The following POU6F2 variants were observed in gnomAD, a reference collection of about 807,000 sequenced individuals.
The protein encoded by POU6F2 is POU domain, class 6, transcription factor 2.
In POU6F2, 31 loss-of-function variants were observed where a neutral mutation model predicts 71.3. That is an observed-to-expected ratio of 0.43 (90% confidence interval 0.33 to 0.59). The LOEUF (loss-of-function observed/expected upper bound fraction) is 0.59, where lower values mean the gene tolerates loss of function less well. Among genes scored for constraint, POU6F2 ranks in the 20% least tolerant of loss-of-function variants. POU6F2 has a pLI of 0.04. For missense variants in POU6F2, 783 were observed against 856.8 expected, an observed-to-expected ratio of 0.91 and a Z score of 1.07; for synonymous variants, 347 against 355.7, an observed-to-expected ratio of 0.98 and a Z score of 0.27.
At chr7:39,104,909 G>A (rs1038990397) in intron 2 of POU6F2, among the ~76,000 whole-genome samples, 5 of 152,322 alleles carry the variant, frequency 3.3e-5, no homozygotes, top group African/African-American at 1.2e-4. Flanking sequence ...GGGAGATAAT[G>A]TCTGCAACAT....
At chr7:39,418,595 C>G (rs1438232496) in intron 6 of POU6F2, among the ~76,000 whole-genome samples, 1 of 151,454 alleles carries the variant, frequency 6.6e-6, no homozygotes, top group Non-Finnish European at 1.5e-5. Flanking sequence ...GAAGCTGAGG[C>G]AAGAGAATCA....
At chr7:39,398,573 G>T (rs895775569) in intron 5 of POU6F2, among the ~76,000 whole-genome samples, 6 of 150,866 alleles carry the variant, frequency 4.0e-5, no homozygotes, top group African/African-American at 1.5e-4. Flanking sequence ...AAAAGAAAGG[G>T]AATGCTATGT....
At chr7:39,264,033 T>TAGG (rs1287475885) in intron 4 of POU6F2, among the ~76,000 whole-genome samples, 1 of 152,190 alleles carries the variant, frequency 6.6e-6, no homozygotes, top group Admixed American at 6.5e-5. Flanking sequence ...GGACTGGCAT[T>TAGG]AGGAGGTACT....
chr7:39,049,263 T>C (rs926812339), intron 1 of POU6F2, among the ~76,000 whole-genome samples: 5 of 152,028 alleles, frequency 3.3e-5, no homozygotes, highest in African/African-American at 1.2e-4. Flanking sequence ...ATTTTTCTAG[T>C]TAGCTAAAGA....
intron 2 of POU6F2, among the ~76,000 whole-genome samples, chr7:39,200,889 T>C (rs1220612723): frequency 6.6e-5 from 10 of 151,106 alleles, no homozygotes; most frequent in Non-Finnish European, 1.3e-4. Context: ...TAGCTGGGTG[T>C]AGTGGCTCGC....
At chr7:39,175,498 C>T (rs997728345) in intron 2 of POU6F2, among the ~76,000 whole-genome samples, 1 of 152,130 alleles carries the variant, frequency 6.6e-6, no homozygotes, top group Non-Finnish European at 1.5e-5. Flanking sequence ...GTCCCTTAGG[C>T]ACAGCAAGCA....
At chr7:39,337,990 C>T (rs574085407) in intron 4 of POU6F2, among the ~76,000 whole-genome samples, 20 of 152,340 alleles carry the variant, frequency 1.3e-4, no homozygotes, top group African/African-American at 4.3e-4. Context: ...CCCAGACTTT[C>T]CTGTTTCTAA....
At position 38,981,877 on chromosome 7, in the gene POU6F2, A is replaced by C. The variant is rs753543207; in HGVS notation, c.105+3819A>C. The stretch of plus-strand genomic sequence containing the variant: ...ATTTGGCTTAACAGTATCTCCATGT[A>C]TGTTTTCTTATATGGAGATTTTAAA... On this transcript the variant is annotated intron_variant, in intron 1 of 9. Transcript: ENST00000518318. Among the ~76,000 whole-genome samples the C allele has an allele frequency of 4.6e-5, 7 of 152,212 alleles. No individual in the cohort carries two copies. The South Asian group carries it at 8.3e-4, about 18-fold the overall frequency.
intron 2 of POU6F2, among the ~76,000 whole-genome samples, chr7:39,090,098 C>T (rs1791334480): frequency 6.6e-6 from 1 of 151,754 alleles, no homozygotes; most frequent in African/African-American, 2.4e-5. Flanking sequence ...TTGTGCTTTC[C>T]TAGGATAAAA....
chr7:39,446,562 A>G (rs1788528300), intron 7 of POU6F2, among the ~76,000 whole-genome samples: 1 of 152,248 alleles, frequency 6.6e-6, no homozygotes, highest in Non-Finnish European at 1.5e-5. Flanking sequence ...GATCAGTGGC[A>G]CAGAAAACCA....
Position 39,322,105 on chromosome 7 carries a change from G to A in POU6F2, c.599-17537G>A, listed in dbSNP as rs12701730. On this transcript the variant is annotated intron_variant, in intron 4 of 9. Coordinates refer to ENST00000518318, the MANE Select transcript of POU6F2 (RefSeq NM_001370959.1). ...TAAATGTTCTCATTCATTGTGAGTA[G>A]AAGGGATCTTTGTGTTGCTTTACCC... 7.3e-3 allele frequency among the ~76,000 whole-genome samples: 1,110 copies of A among 152,300 alleles called. 13 individuals carry two copies. Among genetic ancestry groups the A allele is most frequent in the Admixed American group, 0.014 (207 of 15,304 alleles).
At chr7:39,240,685 A>G (rs1783709482) in intron 4 of POU6F2, among the ~76,000 whole-genome samples, 1 of 152,160 alleles carries the variant, frequency 6.6e-6, no homozygotes, top group Non-Finnish European at 1.5e-5. Context: ...TAGGTACTAA[A>G]AAAGTATTGC....
rs554347163 is a variant in POU6F2, at chr7:39,229,190, T to A, written c.598+21570T>A. Among the ~76,000 whole-genome samples the A allele has an allele frequency of 7.9e-5, 12 of 152,296 alleles. No homozygotes were observed. The East Asian group carries it at 2.1e-3, about 27-fold the overall frequency. On this transcript the variant is annotated intron_variant, in intron 4 of 9. Transcript: ENST00000518318. ...AGCCCTCTTGACATTTGCCTGTGAATACATAAAGAGCTCAAGAAAGAGAAA... is the reference window on the plus strand; with the variant it reads ...AGCCCTCTTGACATTTGCCTGTGAAAACATAAAGAGCTCAAGAAAGAGAAA...
intron 1 of POU6F2, among the ~76,000 whole-genome samples, chr7:39,077,809 G>T (rs1042192701): frequency 9.2e-5 from 14 of 152,172 alleles, no homozygotes; most frequent in African/African-American, 3.4e-4. Flanking sequence ...CCTAGATAAA[G>T]TATTGGGGAT....
intron 4 of POU6F2, among the ~76,000 whole-genome samples, chr7:39,262,001 C>T (rs899111926): frequency 6.6e-5 from 10 of 151,962 alleles, no homozygotes; most frequent in African/African-American, 2.4e-4. Context: ...TTGGCTGCTG[C>T]GGGAAGCAAT....
intron 4 of POU6F2, among the ~76,000 whole-genome samples, chr7:39,337,034 T>C (rs1406213094): frequency 1.3e-5 from 2 of 152,210 alleles, no homozygotes; most frequent in Non-Finnish European, 2.9e-5. Context: ...CCTCTGATGA[T>C]GTGGCTCCGT....
chr7:39,084,048 G>C (rs563350113), intron 1 of POU6F2, among the ~76,000 whole-genome samples: 2 of 152,250 alleles, frequency 1.3e-5, no homozygotes, highest in South Asian at 4.1e-4. Context: ...GCTCGGCTCT[G>C]CTCTTGATAT....
At chr7:39,366,754 A>T (rs1485641627) in intron 5 of POU6F2, among the ~76,000 whole-genome samples, 2 of 152,086 alleles carry the variant, frequency 1.3e-5, no homozygotes, top group African/African-American at 4.8e-5. Context: ...CTAGTGAAGG[A>T]CCAGGAATTC....
At chr7:39,357,650 C>T (rs973339295) in intron 5 of POU6F2, among the ~76,000 whole-genome samples, 3 of 152,196 alleles carry the variant, frequency 2.0e-5, no homozygotes, top group African/African-American at 7.2e-5. Flanking sequence ...TTCCAAACTG[C>T]CACCTGATTT....
Sources: allele counts gnomAD v4.1 joint callset (sites outside exome capture counted in the v4.1 genomes callset), GRCh38; gene constraint gnomAD v4.1.1; transcripts MANE v1.5; gene names NCBI Gene and HGNC (gene_info 2026-07-23, HGNC 2026-07-21).